Variants in GRAMD1B observed in about 807,000 individuals in gnomAD.
The protein encoded by GRAMD1B is protein Aster-B.
GRAMD1B carries 37 observed loss-of-function variants against 99.7 expected under a neutral mutation model. That is an observed-to-expected ratio of 0.37 (90% CI 0.29 to 0.49). GRAMD1B has a LOEUF of 0.49. GRAMD1B is among the 20% of genes least tolerant of loss of function. The pLI is 0.98. For missense variants in GRAMD1B, 888 were observed against 1,009.2 expected (o/e 0.88, Z 1.63); for synonymous variants, 427 against 387.6 (o/e 1.10, Z -1.19).
chr11:123,576,034 G>C (rs1463412010), intron 2 of GRAMD1B, among the ~76,000 whole-genome samples: 1 of 151,736 alleles, frequency 6.6e-6, no homozygotes, highest in Non-Finnish European at 1.5e-5. Context: ...TTACCGCACT[G>C]CCTGCCCCCA....
chr11:123,491,438 C>A (rs776001305), intron 2 of GRAMD1B, among the ~76,000 whole-genome samples: 1 of 152,128 alleles, frequency 6.6e-6, no homozygotes, highest in Admixed American at 6.5e-5. Context: ...AAGTTGCAAA[C>A]CCTCTGGGAG....
At chr11:123,579,866 G>A (rs1318911907) in intron 3 of GRAMD1B, among the ~76,000 whole-genome samples, 2 of 152,224 alleles carry the variant, frequency 1.3e-5, no homozygotes, top group Non-Finnish European at 2.9e-5. Flanking sequence ...TTTTGGAGAT[G>A]CTAAAAGGAG....
intron 2 of GRAMD1B, among the ~76,000 whole-genome samples, chr11:123,491,059 G>C (rs1938500530): frequency 6.6e-6 from 1 of 152,182 alleles, no homozygotes; most frequent in Non-Finnish European, 1.5e-5. Flanking sequence ...GTGGCTGGGT[G>C]CAGTGGCTCA....
chr11:123,431,987 C>T (rs1948916292), intron 1 of GRAMD1B: 1 of 398,470 alleles, frequency 2.5e-6, no homozygotes. Context: ...ATCGGTACCA[C>T]GAATCCTACA....
intron 2 of GRAMD1B, among the ~76,000 whole-genome samples, chr11:123,516,621 C>G (rs1375369074): frequency 6.6e-6 from 1 of 152,048 alleles, no homozygotes; most frequent in Non-Finnish European, 1.5e-5. Context: ...CACAGACAGA[C>G]TTAATGTAAG....
intron 1 of GRAMD1B, among the ~76,000 whole-genome samples, chr11:123,448,344 C>G (rs991505003): frequency 1.4e-5 from 2 of 138,148 alleles, no homozygotes; most frequent in Non-Finnish European, 3.1e-5. Context: ...CCTTTGCCTC[C>G]TGGGTTCAAG....
intron 3 of GRAMD1B, among the ~76,000 whole-genome samples, chr11:123,582,752 C>T (rs1949511007): frequency 6.6e-6 from 1 of 151,782 alleles, no homozygotes; most frequent in African/African-American, 2.4e-5. Flanking sequence ...GTCATCACCG[C>T]GGGCACACAC....
chr11:123,436,083 C>T lies in GRAMD1B; in HGVS notation c.374+4917C>T, dbSNP rs1949148783. Among the ~76,000 whole-genome samples, 3 of 152,000 alleles carry T rather than the reference C, an allele frequency of 2.0e-5. No individual in the cohort carries two copies. The South Asian group carries it at 6.2e-4, about 32-fold the overall frequency. ...TAAGCCTCCTGAGTAGCTGGGATTA[C>T]AGAAGCTCGCCACCACGCCCAGATA... On this transcript the variant is annotated intron_variant, in intron 1 of 19. Transcript: ENST00000635736.
intron 2 of GRAMD1B, among the ~76,000 whole-genome samples, chr11:123,528,147 T>G (rs747927691): frequency 7.2e-5 from 11 of 152,140 alleles, no homozygotes; most frequent in Non-Finnish European, 1.2e-4. Flanking sequence ...GTATCCCAAC[T>G]GGTACTCCCT....
rs373632022 is a variant in GRAMD1B at position 123,587,555 on chromosome 11, C to T, written c.684+3223C>T. 1.9e-4 allele frequency among the ~76,000 whole-genome samples: 29 copies of T among 152,356 alleles called. No homozygotes were observed. Among genetic ancestry groups the T allele is most frequent in the South Asian group, 8.3e-4 (4 of 4,832 alleles). ...AAATTTACTCCCCCTCAGCCCCCAA[C>T]GGGGCATAACATCACAGGGGTTTCC... On this transcript the variant is annotated intron_variant, in intron 4 of 19. Transcript: ENST00000635736. This position sits in a 1 kb window ranked among gnomAD's most constrained non-coding sequence, Gnocchi z 4.2.
intron 1 of GRAMD1B, among the ~76,000 whole-genome samples, chr11:123,417,163 G>A (rs2846060): frequency 0.14 from 20,874 of 152,044 alleles, 1,747 homozygotes; most frequent in Non-Finnish European, 0.18. Flanking sequence ...CCACGAGGTC[G>A]GGAGTTCAAG....
intron 1 of GRAMD1B, among the ~76,000 whole-genome samples, chr11:123,440,889 G>A (rs1949374659): frequency 6.6e-6 from 1 of 152,072 alleles, no homozygotes; most frequent in Non-Finnish European, 1.5e-5. Flanking sequence ...GAATCATGGG[G>A]GCAAGTTTTT....
At chr11:123,412,262 C>A (rs1306090256) in intron 1 of GRAMD1B, among the ~76,000 whole-genome samples, 6 of 152,176 alleles carry the variant, frequency 3.9e-5, no homozygotes, top group African/African-American at 1.4e-4. Context: ...CAACTTTTCA[C>A]TTAAATAAAC....
At chr11:123,572,396 T>TTTATG (rs1171698009) in intron 2 of GRAMD1B, among the ~76,000 whole-genome samples, 1 of 152,184 alleles carries the variant, frequency 6.6e-6, no homozygotes, top group Non-Finnish European at 1.5e-5. Context: ...GGTTTGAAAC[T>TTTATG]TTATGTTATG....
At chr11:123,407,018 C>A (rs1366423201) in intron 1 of GRAMD1B, among the ~76,000 whole-genome samples, 1 of 152,204 alleles carries the variant, frequency 6.6e-6, no homozygotes, top group African/African-American at 2.4e-5. Context: ...TTTTCACTTA[C>A]CACATGTTTA....
chr11:123,615,586 G>A (rs74621048), intron 17 of GRAMD1B, among the ~76,000 whole-genome samples: 3,173 of 152,338 alleles, frequency 0.021, 60 homozygotes, highest in Non-Finnish European at 0.034. Context: ...TCAGGAGGCT[G>A]AGGTAGGGAA....
chr11:123,391,273 G>A (rs1483620403), intron 1 of GRAMD1B, among the ~76,000 whole-genome samples: 1 of 142,550 alleles, frequency 7.0e-6, no homozygotes, highest in Non-Finnish European at 1.5e-5. Flanking sequence ...CCCATACCCA[G>A]GAGCTTACCT....
intron 1 of GRAMD1B, among the ~76,000 whole-genome samples, chr11:123,380,509 A>G (rs1269865737): frequency 6.6e-6 from 1 of 152,194 alleles, no homozygotes; most frequent in Admixed American, 6.5e-5. Context: ...CAGAGACTTT[A>G]TTATGACTTT....
intron 1 of GRAMD1B, among the ~76,000 whole-genome samples, chr11:123,361,994 T>A (rs1292433247): frequency 6.6e-6 from 1 of 152,254 alleles, no homozygotes; most frequent in Non-Finnish European, 1.5e-5. Context: ...GGTGGACCAC[T>A]TGGCAGCAGC....
Sources: gnomAD v4.1 joint callset for allele counts (sites outside exome capture counted in the v4.1 genomes callset) on GRCh38, gnomAD v4.1.1 for gene constraint, Gnocchi (gnomAD v3.1) non-coding constraint, MANE v1.5 for transcripts, NCBI Gene and HGNC (gene_info 2026-07-23, HGNC 2026-07-21) for gene names.